Variants in NAV3 observed in about 807,000 individuals in gnomAD.
NAV3 encodes pore membrane and/or filament interacting like protein 1.
A neutral mutation model predicts 244.7 loss-of-function variants in NAV3; 87 were observed. That is an observed-to-expected ratio of 0.36 (90% CI 0.30 to 0.42). The LOEUF (loss-of-function observed/expected upper bound fraction) is 0.42. Ranked by LOEUF, NAV3 falls within the 20% of genes least tolerant of loss-of-function variation. NAV3 has a pLI of 1.00. For missense variants in NAV3, 2,663 were observed against 2,893.3 expected (o/e 0.92, Z 1.83); for synonymous variants, 1,126 against 1,042.2 (o/e 1.08, Z -1.55).
rs541222383 is a variant in NAV3, at chr12:77,587,869, G to A, written c.72+15603G>A. ...TTACATAGATCACTCTGAAAATGAGGAATCTGGGGCCCAGAGTGGCTATGT... is the reference window on the plus strand; with the variant it reads ...TTACATAGATCACTCTGAAAATGAGAAATCTGGGGCCCAGAGTGGCTATGT... On this transcript the variant is annotated intron_variant, in intron 2 of 8. Transcript: ENST00000550042. 4.6e-5 allele frequency among the ~76,000 whole-genome samples: 7 copies of A among 152,248 alleles called. No individual in the cohort carries two copies. The East Asian group carries it at 1.4e-3, about 29-fold the overall frequency.
At chr12:77,997,933 C>A (rs1327038645) in intron 6 of NAV3, among the ~76,000 whole-genome samples, 1 of 152,164 alleles carries the variant, frequency 6.6e-6, no homozygotes, top group Non-Finnish European at 1.5e-5. Context: ...ATGCCTTACA[C>A]ATTGAAAAGA....
intron 2 of NAV3, among the ~76,000 whole-genome samples, chr12:77,710,939 AT>A (rs956550699): frequency 2.6e-5 from 4 of 152,168 alleles, no homozygotes; most frequent in Non-Finnish European, 4.4e-5. Flanking sequence ...AAGTTATTTA[AT>A]TTTTGTTGGT....
intron 12 of NAV3, among the ~76,000 whole-genome samples, chr12:78,105,902 A>G (rs1954778036): frequency 6.6e-6 from 1 of 151,514 alleles, no homozygotes; most frequent in Non-Finnish European, 1.5e-5. Context: ...ATATTTTATG[A>G]TATTCAAAAT....
intron 1 of NAV3, among the ~76,000 whole-genome samples, chr12:77,911,955 C>T (rs1886639503): frequency 6.6e-6 from 1 of 152,064 alleles, no homozygotes; most frequent in Non-Finnish European, 1.5e-5. Context: ...GCCTTTACCT[C>T]ACATTTGCTG....
intron 2 of NAV3, among the ~76,000 whole-genome samples, chr12:77,636,327 G>A (rs1254607220): frequency 1.1e-4 from 17 of 151,896 alleles, no homozygotes; most frequent in Admixed American, 6.6e-5. Flanking sequence ...TTAGCCAGGC[G>A]TGGTGGTGGG....
intron 9 of NAV3, among the ~76,000 whole-genome samples, chr12:78,030,802 G>A (rs1878848821): frequency 1.3e-5 from 2 of 152,170 alleles, no homozygotes; most frequent in Admixed American, 1.3e-4. Flanking sequence ...GAACTTAAAA[G>A]AAGATCAGAC....
chr12:78,192,468 C>T (rs935129124), intron 34 of NAV3, among the ~76,000 whole-genome samples: 5 of 151,350 alleles, frequency 3.3e-5, no homozygotes, highest in African/African-American at 7.3e-5. Context: ...TACAGTGGCA[C>T]GATCTCGGCT....
chr12:78,200,572 C>T lies in NAV3; in HGVS notation c.6815C>T (p.Ala2272Val), dbSNP rs2140032340. The T allele has an allele frequency of 6.4e-7, 1 of 1,562,346 alleles. No homozygotes were observed. ...TCTTTAGTACCTTATATTCTGGAGG[C>T]AGTGAGAGAGGGTCTTCAGGTATAG... ...NYSLVPYILE[A>V]VREGLQMYGK... The change falls in exon 38 of 40, where the codon GCA (alanine) becomes GTA (valine). Residue 2272 changes from alanine to valine, a missense_variant. This residue lies in a region of NAV3 where 543 missense variants were observed against 672.4 expected (regional missense o/e 0.81). Transcript: ENST00000397909.
rs747499358 is a variant in NAV3, at chr12:78,119,847, C to T, written c.3651C>T (p.Ser1217=). ...CAGAAAGTGTTTCTTTGTCAGGTTC[C>T]CCCAAATCCAGCCCCACCTCTGCCA... ...SDSESVSLSG[S]PKSSPTSASA... is the part of the protein sequence containing the mutation. The change falls in exon 15 of 40, where the codon TCC becomes TCT. Residue 1217 remains serine, a synonymous_variant. Transcript: ENST00000397909. The T allele has an allele frequency of 6.2e-7, 1 of 1,614,106 alleles. No homozygotes were observed. Among genetic ancestry groups the T allele is most frequent in the Non-Finnish European group, 8.5e-7 (1 of 1,180,022 alleles).
intron 2 of NAV3, among the ~76,000 whole-genome samples, chr12:77,813,255 C>G (rs1381944159): frequency 6.6e-6 from 1 of 152,120 alleles, no homozygotes; most frequent in Non-Finnish European, 1.5e-5. Flanking sequence ...ATTGATTACT[C>G]ATTCATTTGC....
intron 18 of NAV3, among the ~76,000 whole-genome samples, chr12:78,136,612 T>A (rs1215503051): frequency 6.6e-6 from 1 of 152,160 alleles, no homozygotes; most frequent in Non-Finnish European, 1.5e-5. Context: ...GTATGTTACA[T>A]TGTGTTTAGT....
At chr12:77,662,413 A>G (rs867432664) in intron 2 of NAV3, among the ~76,000 whole-genome samples, 1 of 152,066 alleles carries the variant, frequency 6.6e-6, no homozygotes, top group Non-Finnish European at 1.5e-5. Flanking sequence ...AGATTATTCA[A>G]AGTATATAGA....
chr12:78,036,936 CAA>C, intron 9 of NAV3: 1 of 702,956 alleles, frequency 1.4e-6, no homozygotes, highest in Admixed American at 2.0e-5. Context: ...CCTTCAGAAA[CAA>C]AAGTCTCTGA....
intron 19 of NAV3, among the ~76,000 whole-genome samples, chr12:78,139,096 A>AC (rs1956496918): frequency 6.6e-6 from 1 of 151,664 alleles, no homozygotes; most frequent in Admixed American, 6.6e-5. Flanking sequence ...GATAGAAAGA[A>AC]TTTTTTTTTA....
At chr12:78,184,293 A>C (rs937917396) in intron 30 of NAV3, among the ~76,000 whole-genome samples, 1 of 151,924 alleles carries the variant, frequency 6.6e-6, no homozygotes, top group Non-Finnish European at 1.5e-5. Flanking sequence ...GTACTAAAGT[A>C]ATTTGATCAC....
intron 2 of NAV3, among the ~76,000 whole-genome samples, chr12:77,647,921 TA>T (rs888322986): frequency 6.6e-6 from 1 of 152,116 alleles, no homozygotes; most frequent in Non-Finnish European, 1.5e-5. Flanking sequence ...TACTTCTCCT[TA>T]AACAGATGGG....
Position 78,200,558 on chromosome 12 carries a change from T to A in NAV3, c.6801T>A (p.Pro2267=), listed in dbSNP as rs1959542356. The change falls in exon 38 of 40, where the codon CCT becomes CCA. Residue 2267 remains proline (P), a synonymous_variant. Transcript: ENST00000397909. ...FMDLWNYSLV[P]YILEAVREGL... ...ATCTCTGGAACTATTCTTTAGTACC[T>A]TATATTCTGGAGGCAGTGAGAGAGG... 1 of 1,587,640 alleles carries A rather than the reference T, an allele frequency of 6.3e-7. No individual in the cohort carries two copies. The highest frequency in any genetic ancestry group is 8.6e-7 in the Non-Finnish European group (1 of 1,164,998).
chr12:77,942,461 A>G (rs1428845117), intron 3 of NAV3, among the ~76,000 whole-genome samples: 1 of 152,126 alleles, frequency 6.6e-6, no homozygotes, highest in African/African-American at 2.4e-5. Flanking sequence ...TTATGATGTC[A>G]TGAACTCTGT....
At chr12:77,662,877 C>A (rs1213939225) in intron 2 of NAV3, among the ~76,000 whole-genome samples, 1 of 151,974 alleles carries the variant, frequency 6.6e-6, no homozygotes, top group Non-Finnish European at 1.5e-5. Flanking sequence ...TAAAATTCAC[C>A]TTTTCCGTTT....
Sources: allele counts gnomAD v4.1 joint callset (sites outside exome capture counted in the v4.1 genomes callset), GRCh38; gene constraint gnomAD v4.1.1; regional missense constraint gnomAD v4.1.1; transcripts MANE v1.5; gene names NCBI Gene and HGNC (gene_info 2026-07-23, HGNC 2026-07-21).